ARMC9: variants seen among roughly 807,000 people sequenced by gnomAD.
ARMC9 encodes the protein armadillo repeat containing 9, also known as lisH domain-containing protein ARMC9.
In ARMC9, 94 loss-of-function variants were observed where a neutral mutation model predicts 107.0. The ratio of observed to expected loss-of-function variants is 0.88; its 90% CI spans 0.74 to 1.04. The LOEUF is 1.04. Among genes scored for constraint, ARMC9 ranks in the 50% least tolerant of loss-of-function variants. ARMC9 has a pLI of 0.00. For synonymous variants in ARMC9, 380 were observed against 396.9 expected, an observed-to-expected ratio of 0.96 and a Z score of 0.51; for missense variants, 942 against 1,030.1, an observed-to-expected ratio of 0.91 and a Z score of 1.17.
intron 21 of ARMC9, among the ~76,000 whole-genome samples, chr2:231,349,515 C>T (rs1165802345): frequency 1.3e-5 from 2 of 152,120 alleles, no homozygotes; most frequent in South Asian, 2.1e-4. Context: ...GGCGTGGTGG[C>T]TCATGCCTGT....
At chr2:231,331,515 T>C (rs1380128159) in intron 19 of ARMC9, among the ~76,000 whole-genome samples, 1 of 152,156 alleles carries the variant, frequency 6.6e-6, no homozygotes, top group Non-Finnish European at 1.5e-5. Context: ...TAGGAGAGAC[T>C]TTAAAGAGCC....
intron 12 of ARMC9, chr2:231,270,568 G>T (rs371533169): frequency 4.3e-6 from 2 of 468,014 alleles, no homozygotes; most frequent in African/African-American, 2.0e-5. Flanking sequence ...ATCGTTTCTC[G>T]TGCTGTTCTC....
intron 20 of ARMC9, among the ~76,000 whole-genome samples, chr2:231,337,278 A>G (rs1197288150): frequency 1.8e-5 from 1 of 55,994 alleles, no homozygotes; most frequent in African/African-American, 9.2e-5. Context: ...GTGTATATAT[A>G]TATATATATA....
intron 21 of ARMC9, 129 bp downstream of exon 21, chr2:231,345,219 T>G (rs1051099200): frequency 7.3e-5 from 107 of 1,468,518 alleles, no homozygotes; most frequent in South Asian, 2.2e-4. Context: ...TCTTTATTTT[T>G]GGGGGATTTT....
At position 231,360,780 on chromosome 2, in the gene ARMC9, T is replaced by C. The variant is rs2045538911; in HGVS notation, c.2158T>C (p.Trp720Arg). ...SSAIIAKPGE[W>R]LPRGRQEEPR... is the part of the protein sequence containing the mutation. The stretch of plus-strand genomic sequence containing the variant: ...AGCCATCATCGCCAAGCCAGGAGAG[T>C]GGCTCCCAAGAGGACGCCAGGAAGA... Residue 720 changes from tryptophan to arginine, a missense_variant, in exon 23 of 25, where the codon TGG (tryptophan) becomes CGG (arginine). By Grantham distance (101) the Trp-to-Arg change is moderately radical. Coordinates refer to ENST00000611582, the MANE Select transcript of ARMC9 (RefSeq NM_001352754.2). This position sits in a 1 kb window ranked among gnomAD's most constrained non-coding sequence, Gnocchi z 4.7. The C allele has an allele frequency of 3.3e-6, 5 of 1,535,782 alleles. No individual in the cohort carries two copies. The highest frequency in any genetic ancestry group is 3.9e-5 in the Admixed American group (2 of 50,960).
At chr2:231,234,667 G>A (rs185577041) in intron 7 of ARMC9, among the ~76,000 whole-genome samples, 4 of 152,262 alleles carry the variant, frequency 2.6e-5, no homozygotes, top group Middle Eastern at 3.4e-3. Context: ...ACAGTGGCGC[G>A]ATCTTGGCTC....
intron 4 of ARMC9, 30 bp downstream of exon 4, chr2:231,215,031 T>G: frequency 1.9e-6 from 3 of 1,608,198 alleles, no homozygotes; most frequent in Non-Finnish European, 2.6e-6. Flanking sequence ...CGGGTGGGTC[T>G]GAGTGGTGTG....
chr2:231,337,526 G>GTGGCGGGA (rs369147049), intron 20 of ARMC9, among the ~76,000 whole-genome samples: 5,310 of 123,318 alleles, frequency 0.043, 170 homozygotes, highest in Non-Finnish European at 0.06. Flanking sequence ...CTGGAGTTCA[G>GTGGCGGGA]TGGCGGGATC....
intron 9 of ARMC9, among the ~76,000 whole-genome samples, chr2:231,251,177 T>C (rs937618005): frequency 6.6e-6 from 1 of 151,868 alleles, no homozygotes; most frequent in African/African-American, 2.4e-5. Context: ...TTCTTTTCCT[T>C]TTTTTTTGAG....
At chr2:231,200,409 C>A (rs112266908) in intron 1 of ARMC9, among the ~76,000 whole-genome samples, 1 of 152,346 alleles carries the variant, frequency 6.6e-6, no homozygotes, top group African/African-American at 2.4e-5. Flanking sequence ...GTGCCAGGTG[C>A]AGTGGCTCAT....
At chr2:231,292,279 A>G (rs2041066440) in intron 18 of ARMC9, among the ~76,000 whole-genome samples, 1 of 152,110 alleles carries the variant, frequency 6.6e-6, no homozygotes. Flanking sequence ...CTTAGAAGCA[A>G]TTACAGAAAC....
At chr2:231,259,201 A>C in intron 11 of ARMC9, 99 bp downstream of exon 11, 4 of 1,044,160 alleles carry the variant, frequency 3.8e-6, no homozygotes, top group Non-Finnish European at 5.5e-6. Flanking sequence ...TCTTCCAGAA[A>C]TCTTTCTTCC....
In ARMC9 at chr2:231,371,661, A is replaced by C. The variant is rs558914734; in HGVS notation, c.*126A>C. 1 of 999,178 alleles carries C rather than the reference A, an allele frequency of 1.0e-6. No homozygotes were observed. The highest frequency in any genetic ancestry group is 1.3e-6 in the Non-Finnish European group (1 of 775,644). The allele number at this position is 999,178 out of a possible 1,614,324, so 61.9% of individuals were successfully genotyped here. ...CCACAAGACTCTGGGAGCTGAGGGG[A>C]GGCCGGCTCTCCAGGCAGCACCAGA... On this transcript the variant is annotated 3_prime_UTR_variant, in exon 25 of 25. Coordinates refer to ENST00000611582, the MANE Select transcript of ARMC9 (RefSeq NM_001352754.2).
chr2:231,296,336 A>G, intron 19 of ARMC9, 83 bp downstream of exon 19: 1 of 1,222,438 alleles, frequency 8.2e-7, no homozygotes, highest in Non-Finnish European at 1.2e-6. Flanking sequence ...TAGTCCAGAA[A>G]TGGAGATTTT....
chr2:231,213,743 G>T (rs188480663), intron 3 of ARMC9, among the ~76,000 whole-genome samples: 30 of 152,216 alleles, frequency 2.0e-4, no homozygotes, highest in Non-Finnish European at 2.1e-4. Context: ...CCGAAGTGCT[G>T]GGATTACAGG....
intron 23 of ARMC9, among the ~76,000 whole-genome samples, chr2:231,364,214 A>G (rs1236102261): frequency 2.6e-5 from 4 of 152,194 alleles, no homozygotes; most frequent in Non-Finnish European, 4.4e-5. Context: ...GCCACTCCAG[A>G]AGAGCAGCCC....
intron 19 of ARMC9, among the ~76,000 whole-genome samples, chr2:231,303,766 C>T (rs1334726126): frequency 6.6e-6 from 1 of 152,096 alleles, no homozygotes; most frequent in Middle Eastern, 3.2e-3. Context: ...GATGAAACCC[C>T]ATTTCTACTA....
Position 231,276,669 on chromosome 2 carries a change from C to A in ARMC9, c.1368C>A (p.Gly456=), listed in dbSNP as rs2039785854. 6.2e-7 allele frequency: 1 copy of A among 1,614,096 alleles called. No individual in the cohort carries two copies. Among genetic ancestry groups the A allele is most frequent in the Non-Finnish European group, 8.5e-7 (1 of 1,180,044 alleles). ...RPLQTAMIQD[G]LIFWLVDVLK... ...TGCAGACAGCGATGATTCAAGACGG[C>A]CTCATCTTCTGGCTGGTTGATGTTC... Residue 456 remains glycine (G), a synonymous_variant, in exon 15 of 25, where the codon GGC becomes GGA. Coordinates refer to ENST00000611582, the MANE Select transcript of ARMC9 (RefSeq NM_001352754.2).
chr2:231,276,275 T>C (rs1342260214), intron 14 of ARMC9, among the ~76,000 whole-genome samples: 1 of 143,100 alleles, frequency 7.0e-6, no homozygotes, highest in Non-Finnish European at 1.5e-5. Context: ...CTGTTTCTTC[T>C]TTTTTTTTTT....
Sources: gnomAD v4.1 joint callset for allele counts (sites outside exome capture counted in the v4.1 genomes callset) on GRCh38, gnomAD v4.1.1 for gene constraint, Gnocchi (gnomAD v3.1) non-coding constraint, MANE v1.5 for transcripts, NCBI Gene and HGNC (gene_info 2026-07-23, HGNC 2026-07-21) for gene names.